The following HECTD2 variants were observed in gnomAD, a reference collection of about 807,000 sequenced individuals.
HECTD2 encodes the protein probable E3 ubiquitin-protein ligase HECTD2.
In HECTD2, 35 loss-of-function variants were observed where a neutral mutation model predicts 103.2. That is an observed-to-expected ratio of 0.34 (90% CI 0.26 to 0.45). HECTD2 has a LOEUF of 0.45. Among genes scored for constraint, HECTD2 ranks in the 20% least tolerant of loss-of-function variants. The pLI, the probability that HECTD2 is intolerant of heterozygous loss-of-function variation, is 1.00. For missense variants in HECTD2, 596 were observed against 937.4 expected (o/e 0.64, Z 4.76); for synonymous variants, 281 against 329.9 (o/e 0.85, Z 1.61).
In HECTD2 at chr10:91,498,256, C is replaced by T. The variant is rs1421534779; in HGVS notation, c.1755+74C>T. On this transcript the variant is annotated intron_variant, in intron 16 of 20. Transcript: ENST00000298068. ...GAACAGTGCAATTTGTTATTAAATA[C>T]CCACTGTTAGAAAAGATGAACAAGG... 1.1e-5 allele frequency: 11 copies of T among 992,870 alleles called. No individual in the cohort carries two copies. In the East Asian group the frequency reaches 2.4e-4, roughly 22 times the overall value. 61.5% of individuals were successfully genotyped at this position (992,870 alleles called of 1,614,324 possible).
intron 2 of HECTD2, among the ~76,000 whole-genome samples, chr10:91,426,814 G>T (rs943966996): frequency 1.7e-4 from 26 of 151,866 alleles, no homozygotes; most frequent in Non-Finnish European, 3.4e-4. Context: ...TGCCAGTCTT[G>T]TGGAATCTGG....
In HECTD2 at chr10:91,469,234, A is replaced by G. The variant is rs767364006; in HGVS notation, c.600+7050A>G. ...CCCCAACCTCACTAGAGAAGCCAAC[A>G]TTCAAATTCAGGAAATTCAGAGAAC... On this transcript the variant is annotated intron_variant, in intron 5 of 20. Transcript: ENST00000298068. Among the ~76,000 whole-genome samples, 260 of 152,332 alleles carry G rather than the reference A, an allele frequency of 1.7e-3. 3 individuals carry two copies. The highest frequency in any genetic ancestry group is 0.01 in the Middle Eastern group (3 of 294).
chr10:91,430,935 G>C (rs1182697509), intron 2 of HECTD2, among the ~76,000 whole-genome samples: 1 of 150,854 alleles, frequency 6.6e-6, no homozygotes, highest in East Asian at 1.9e-4. Context: ...ATGTTAGCTG[G>C]TTATTTTGCT....
intron 2 of HECTD2, among the ~76,000 whole-genome samples, chr10:91,435,680 T>G (rs1310764353): frequency 6.6e-6 from 1 of 152,022 alleles, no homozygotes; most frequent in Non-Finnish European, 1.5e-5. Context: ...TCTCTTATCT[T>G]GGAAGTTTTG....
intron 1 of HECTD2, among the ~76,000 whole-genome samples, chr10:91,418,433 C>T (rs1589456111): frequency 1.3e-5 from 2 of 152,006 alleles, no homozygotes; most frequent in African/African-American, 2.4e-5. Flanking sequence ...TGATCAATTG[C>T]GTTGATTTTT....
chr10:91,410,612 C>T (rs1192697112), intron 1 of HECTD2, 36 bp downstream of exon 1: 1 of 1,314,248 alleles, frequency 7.6e-7, no homozygotes, highest in Non-Finnish European at 9.7e-7. Flanking sequence ...GCGCCCCGGA[C>T]GGCGGGAGTT....
chr10:91,496,199 A>G lies in HECTD2; in HGVS notation c.1522-15A>G. ...CATGGATTTTATGTTAATGCTTAACATTTAGTATGCATAGCTTATGGGACT... is the reference window on the plus strand; with the variant it reads ...CATGGATTTTATGTTAATGCTTAACGTTTAGTATGCATAGCTTATGGGACT... On this transcript the variant is annotated splice_polypyrimidine_tract_variant and intron_variant, in intron 14 of 20. Coordinates refer to ENST00000298068, the MANE Select transcript of HECTD2 (RefSeq NM_182765.6). The G allele has an allele frequency of 6.3e-7, 1 of 1,581,180 alleles. No individual in the cohort carries two copies. Among genetic ancestry groups the G allele is most frequent in the Non-Finnish European group, 8.6e-7 (1 of 1,160,602 alleles).
intron 5 of HECTD2, among the ~76,000 whole-genome samples, chr10:91,467,091 C>T (rs1845556582): frequency 6.6e-6 from 1 of 151,994 alleles, no homozygotes; most frequent in Non-Finnish European, 1.5e-5. Flanking sequence ...GCTGGGAAAC[C>T]TGGGTGGGGC....
At chr10:91,409,736 TGCGCAAGCTCCGGGCC>T (rs767713143), upstream of HECTD2, among the ~76,000 whole-genome samples, 2 of 152,094 alleles carry the variant, frequency 1.3e-5, no homozygotes, top group Non-Finnish European at 2.9e-5. Context: ...CTCCCCGGGC[TGCGCAAGCTCCGGGCC>T]GCCTCTCCTG....
At position 91,514,535 on chromosome 10, in the gene HECTD2, T is replaced by C. The variant is rs1230360877; in HGVS notation, c.*2151T>C. The C allele has an allele frequency of 6.6e-6, 1 of 152,642 alleles. No individual in the cohort carries two copies. The highest frequency in any genetic ancestry group is 6.5e-5 in the Admixed American group (1 of 15,268). The allele number at this position is 152,642 out of a possible 1,614,324, so 9.5% of individuals were successfully genotyped here. On this transcript the variant is annotated 3_prime_UTR_variant, in exon 21 of 21. Coordinates refer to ENST00000298068, the MANE Select transcript of HECTD2 (RefSeq NM_182765.6). ...GTAGTTACTTTTTTTACATATATAA[T>C]CTGTTAATGAATTATTGATTTTTGT...
intron 2 of HECTD2, among the ~76,000 whole-genome samples, chr10:91,443,449 G>C (rs1455644958): frequency 6.6e-6 from 1 of 151,054 alleles, no homozygotes; most frequent in East Asian, 1.9e-4. Context: ...TCCTTCCTCT[G>C]GAAGCTTTGT....
chr10:91,461,434 C>T, intron 4 of HECTD2, 78 bp downstream of exon 4: 1 of 681,186 alleles, frequency 1.5e-6, no homozygotes, highest in East Asian at 2.8e-5. Context: ...ACCTCATTTT[C>T]TACCCAATAT....
rs374771231 is a variant in HECTD2 at position 91,451,231 on chromosome 10, C to T, written c.269-9196C>T. 3.5e-3 allele frequency among the ~76,000 whole-genome samples: 526 copies of T among 152,024 alleles called. 4 individuals carry two copies. Among genetic ancestry groups the T allele is most frequent in the South Asian group, 7.1e-3 (34 of 4,814 alleles). On this transcript the variant is annotated intron_variant, in intron 2 of 20. Transcript: ENST00000298068. Reference sequence around the variant, plus strand: ...TTCATGTCCTTTGCAGGGACATGGACGAAGCTGGAAAGCATTATTCTCAGC... The same window carrying T: ...TTCATGTCCTTTGCAGGGACATGGATGAAGCTGGAAAGCATTATTCTCAGC...
At chr10:91,414,146 A>T (rs754080814) in intron 1 of HECTD2, among the ~76,000 whole-genome samples, 38 of 152,202 alleles carry the variant, frequency 2.5e-4, no homozygotes, top group Non-Finnish European at 3.5e-4. Context: ...AACAGAAAAG[A>T]GAGGTTCTAC....
chr10:91,439,598 G>A (rs1237478512), intron 2 of HECTD2, among the ~76,000 whole-genome samples: 1 of 152,114 alleles, frequency 6.6e-6, no homozygotes, highest in Non-Finnish European at 1.5e-5. Context: ...ACGTAAAGTA[G>A]TTTTTTCTAA....
chr10:91,479,342 ATTTC>A, intron 6 of HECTD2, among the ~76,000 whole-genome samples: 2 of 152,244 alleles, frequency 1.3e-5, no homozygotes, highest in Non-Finnish European at 2.9e-5. Flanking sequence ...TGTAACATAA[ATTTC>A]AGAATCAATA....
chr10:91,416,847 T>C (rs1326781949), intron 1 of HECTD2, among the ~76,000 whole-genome samples: 1 of 152,090 alleles, frequency 6.6e-6, no homozygotes, highest in African/African-American at 2.4e-5. Context: ...CGAGTTATTA[T>C]CCTTCCCACC....
At chr10:91,495,077 ACT>A (rs915381115) in intron 14 of HECTD2, among the ~76,000 whole-genome samples, 3 of 151,996 alleles carry the variant, frequency 2.0e-5, no homozygotes, top group Admixed American at 6.6e-5. Flanking sequence ...TATAATTGCT[ACT>A]CTCATTATTA....
At chr10:91,491,752 C>T (rs571795568) in intron 12 of HECTD2, among the ~76,000 whole-genome samples, 1 of 152,110 alleles carries the variant, frequency 6.6e-6, no homozygotes, top group East Asian at 1.9e-4. Flanking sequence ...ACTTTGATTG[C>T]ATTTTCATGT....
Sources: allele counts gnomAD v4.1 joint callset (sites outside exome capture counted in the v4.1 genomes callset), GRCh38; gene constraint gnomAD v4.1.1; transcripts MANE v1.5; gene names NCBI Gene and HGNC (gene_info 2026-07-23, HGNC 2026-07-21).